HMMR: variants seen among roughly 807,000 people sequenced by gnomAD.
HMMR encodes intracellular hyaluronic acid-binding protein.
Under a neutral mutation model 101.0 loss-of-function variants are expected in HMMR, and 108 were observed. The observed-to-expected ratio is 1.07, with a 90% CI of 0.92 to 1.25. The LOEUF (loss-of-function observed/expected upper bound fraction) is 1.25, where lower values mean the gene tolerates loss of function less well. Ranked by LOEUF, HMMR falls within the 50% of genes most tolerant of loss-of-function variation. HMMR has a pLI of 0.00. For synonymous variants in HMMR, 296 were observed against 276.4 expected, an observed-to-expected ratio of 1.07 and a Z score of -0.70; for missense variants, 813 against 788.7, an observed-to-expected ratio of 1.03 and a Z score of -0.37.
chr5:163,465,824 G>A (rs897175319), intron 3 of HMMR, among the ~76,000 whole-genome samples: 20 of 152,116 alleles, frequency 1.3e-4, no homozygotes, highest in African/African-American at 4.3e-4. Flanking sequence ...TGCTGGACGT[G>A]GTGGCACGTG....
intron 12 of HMMR, among the ~76,000 whole-genome samples, chr5:163,482,356 T>C (rs2113503583): frequency 6.6e-6 from 1 of 152,324 alleles, no homozygotes; most frequent in Non-Finnish European, 1.5e-5. Context: ...TTTTTTAAAT[T>C]GTGAGTAATT....
Position 163,463,849 on chromosome 5 carries a change from CCT to C in HMMR, c.47-4_47-3del. On this transcript the variant is annotated splice_polypyrimidine_tract_variant and splice_region_variant and intron_variant, in intron 1 of 17. Coordinates refer to ENST00000393915, the MANE Select transcript of HMMR (RefSeq NM_001142556.2). ...GATAATATATTAATGTTTTCTATTTCCTCTAGGTTGTGCACCATCTCCAGGTG... is the reference window on the plus strand; with the variant it reads ...GATAATATATTAATGTTTTCTATTTCCTAGGTTGTGCACCATCTCCAGGTG... 1 of 1,266,930 alleles carries C rather than the reference CCT, an allele frequency of 7.9e-7. No homozygotes were observed. The highest frequency in any genetic ancestry group is 1.6e-5 in the South Asian group (1 of 61,758). 78.5% of individuals were successfully genotyped at this position (1,266,930 alleles called of 1,614,324 possible).
intron 15 of HMMR, 38 bp from the exon 16 acceptor site, chr5:163,484,031 G>A: frequency 7.8e-7 from 1 of 1,278,458 alleles, no homozygotes; most frequent in Non-Finnish European, 1.1e-6. Flanking sequence ...AGATCAAACT[G>A]TTTTAAGTCT....
chr5:163,472,453 G>C (rs946903054), intron 7 of HMMR, among the ~76,000 whole-genome samples: 2 of 151,998 alleles, frequency 1.3e-5, no homozygotes, highest in Non-Finnish European at 2.9e-5. Context: ...TTATTTCTCA[G>C]AGAAATTTCT....
intron 5 of HMMR, among the ~76,000 whole-genome samples, chr5:163,470,155 G>A (rs1758838850): frequency 1.3e-5 from 2 of 152,074 alleles, no homozygotes; most frequent in Admixed American, 6.6e-5. Flanking sequence ...GCAAGAGAGT[G>A]CGACTCCATC....
At chr5:163,469,312 C>T (rs544069075) in intron 4 of HMMR, among the ~76,000 whole-genome samples, 5 of 149,872 alleles carry the variant, frequency 3.3e-5, no homozygotes, top group South Asian at 4.2e-4. Flanking sequence ...TGCAGTGAGC[C>T]GAGATCGTGC....
chr5:163,488,664 C>T (rs1362373739), intron 16 of HMMR, among the ~76,000 whole-genome samples: 1 of 152,180 alleles, frequency 6.6e-6, no homozygotes, highest in Non-Finnish European at 1.5e-5. Flanking sequence ...GGTAGGGCTG[C>T]CTTCCTCTCT....
rs371376775 is a variant in HMMR, at chr5:163,460,682, T to C, written c.-11T>C. 14 of 1,603,206 alleles carry C rather than the reference T, an allele frequency of 8.7e-6. No individual in the cohort carries two copies. The highest frequency in any genetic ancestry group is 1.2e-5 in the Non-Finnish European group (14 of 1,174,504). The stretch of plus-strand genomic sequence containing the variant: ...GCCAGTCACCTTCAGTTTCTGGAGC[T>C]GGCCGTCAACATGTCCTTTCCTAAG... On this transcript the variant is annotated 5_prime_UTR_variant, in exon 1 of 18. Transcript: ENST00000393915.
chr5:163,489,724 C>T lies in HMMR; in HGVS notation c.1963-666C>T, dbSNP rs185163685. ...AATGGGGCTGACTGGAGGAAGGGAT[C>T]CCCCACCTCACAATTGCATTTGTCC... On this transcript the variant is annotated intron_variant, in intron 16 of 17. Coordinates refer to ENST00000393915, the MANE Select transcript of HMMR (RefSeq NM_001142556.2). Among the ~76,000 whole-genome samples the T allele has an allele frequency of 9.9e-5, 15 of 152,282 alleles. No individual in the cohort carries two copies. In the East Asian group the frequency reaches 2.9e-3, roughly 30 times the overall value.
chr5:163,460,827 C>G (rs542913493), intron 1 of HMMR, 89 bp downstream of exon 1: 5 of 1,161,232 alleles, frequency 4.3e-6, no homozygotes, highest in Non-Finnish European at 6.3e-6. Context: ...AAGCAGGAGG[C>G]GATTTTAGGG....
At chr5:163,485,146 G>GA (rs1231685503) in intron 16 of HMMR, among the ~76,000 whole-genome samples, 1 of 152,092 alleles carries the variant, frequency 6.6e-6, no homozygotes, top group Non-Finnish European at 1.5e-5. Flanking sequence ...TAATAGGAGG[G>GA]AAATTGCCAG....
At chr5:163,487,019 G>A (rs1285234643) in intron 16 of HMMR, among the ~76,000 whole-genome samples, 5 of 152,170 alleles carry the variant, frequency 3.3e-5, no homozygotes, top group Admixed American at 1.3e-4. Context: ...GCAGTGAACC[G>A]AGATGGAGCC....
chr5:163,467,672 G>C (rs1365860152), intron 3 of HMMR, 29 bp from the exon 4 acceptor site: 3 of 1,331,894 alleles, frequency 2.3e-6, no homozygotes, highest in African/African-American at 1.5e-5. Flanking sequence ...ATCTAAATTT[G>C]CTTATAAGTT....
chr5:163,471,850 T>G (rs1758900693), intron 7 of HMMR, among the ~76,000 whole-genome samples: 1 of 152,112 alleles, frequency 6.6e-6, no homozygotes. Context: ...AAGTATTCAG[T>G]TTGGTGACTT....
At chr5:163,489,619 C>G (rs1365437865) in intron 16 of HMMR, among the ~76,000 whole-genome samples, 1 of 151,920 alleles carries the variant, frequency 6.6e-6, no homozygotes, top group African/African-American at 2.4e-5. Context: ...GTAGAACCAT[C>G]CCCCTCATGA....
rs182593274 is a variant in HMMR at position 163,471,167 on chromosome 5, C to T, written c.463-18C>T. The T allele has an allele frequency of 2.6e-3, 3,831 of 1,452,234 alleles. 183 individuals carry two copies. In the Admixed American group the frequency reaches 0.062, roughly 23 times the overall value. 90.0% of individuals were successfully genotyped at this position (1,452,234 alleles called of 1,614,324 possible). ...GCAGAAAATATTTCTGAATTTTTTA[C>T]GTGTTTGTTGTATTTAGTTTTCTGA... is the stretch of plus-strand genomic sequence containing the variant. On this transcript the variant is annotated intron_variant, in intron 5 of 17. Transcript: ENST00000393915.
At chr5:163,486,079 G>A (rs762688431) in intron 16 of HMMR, among the ~76,000 whole-genome samples, 50 of 152,138 alleles carry the variant, frequency 3.3e-4, no homozygotes, top group African/African-American at 1.0e-3. Context: ...ATCAGGAAGC[G>A]TGAGTCCTCT....
In HMMR at chr5:163,467,569, T is replaced by C. The variant is rs1023462335; in HGVS notation, c.226-132T>C. On this transcript the variant is annotated intron_variant, in intron 3 of 17. Coordinates refer to ENST00000393915, the MANE Select transcript of HMMR (RefSeq NM_001142556.2). Reference sequence around the variant, plus strand: ...TCAGATGAGTGGCCTACACAATGTTTAACAGTGTAATGTTTAAAATAGAAA... The same window carrying C: ...TCAGATGAGTGGCCTACACAATGTTCAACAGTGTAATGTTTAAAATAGAAA... 3.5e-5 allele frequency: 19 copies of C among 542,488 alleles called. 1 individual carries two copies. The highest frequency in any genetic ancestry group is 1.0e-4 in the South Asian group (5 of 48,714). 33.6% of individuals were successfully genotyped at this position (542,488 alleles called of 1,614,324 possible).
chr5:163,465,636 C>T (rs1170155130), intron 3 of HMMR, among the ~76,000 whole-genome samples: 2 of 152,130 alleles, frequency 1.3e-5, no homozygotes, highest in African/African-American at 2.4e-5. Flanking sequence ...GTGTTGTCCA[C>T]CACACCCAGC....
Sources: allele counts gnomAD v4.1 joint callset (sites outside exome capture counted in the v4.1 genomes callset), GRCh38; gene constraint gnomAD v4.1.1; transcripts MANE v1.5; gene names NCBI Gene and HGNC (gene_info 2026-07-23, HGNC 2026-07-21).